The following HSD17B11 variants were observed in gnomAD, a reference collection of about 807,000 sequenced individuals.
HSD17B11 encodes estradiol 17-beta-dehydrogenase 11.
HSD17B11 carries 22 observed loss-of-function variants against 27.8 expected under a neutral mutation model. The observed-to-expected ratio is 0.79, with a 90% CI of 0.56 to 1.13. The LOEUF is 1.13. Among genes scored for constraint, HSD17B11 ranks in the 50% most tolerant of loss-of-function variants. The pLI is 0.00. For synonymous variants in HSD17B11, 117 were observed against 132.8 expected (o/e 0.88, Z 0.82); for missense variants, 314 against 351.1 (o/e 0.89, Z 0.84).
At chr4:87,386,234 GCT>G (rs1491446872) in intron 1 of HSD17B11, among the ~76,000 whole-genome samples, 1 of 148,268 alleles carries the variant, frequency 6.7e-6, no homozygotes. Flanking sequence ...ATGGAGTCTC[GCT>G]CTGTCACCCA....
chr4:87,389,942 G>T (rs865825611), intron 1 of HSD17B11, among the ~76,000 whole-genome samples: 1 of 151,978 alleles, frequency 6.6e-6, no homozygotes, highest in Admixed American at 6.6e-5. Context: ...AGTATCACAG[G>T]TCAAACGTGG....
intron 1 of HSD17B11, among the ~76,000 whole-genome samples, chr4:87,386,595 T>A: frequency 7.6e-6 from 1 of 131,232 alleles, no homozygotes; most frequent in South Asian, 2.2e-4. Flanking sequence ...AAGCAGATCT[T>A]CAAAAAAAAA....
At chr4:87,357,023 T>C (rs1393655115) in intron 5 of HSD17B11, among the ~76,000 whole-genome samples, 1 of 152,234 alleles carries the variant, frequency 6.6e-6, no homozygotes, top group East Asian at 1.9e-4. Context: ...CTGTGAATCA[T>C]TACTCAGGAG....
chr4:87,363,018 C>T (rs1176164487), intron 4 of HSD17B11, among the ~76,000 whole-genome samples: 3 of 152,124 alleles, frequency 2.0e-5, no homozygotes, highest in South Asian at 4.1e-4. Flanking sequence ...GATGATGGGG[C>T]CCAACTGGGG....
At position 87,357,283 on chromosome 4, in the gene HSD17B11, T is replaced by C; in HGVS notation, c.691A>G (p.Thr231Ala). The C allele has an allele frequency of 1.2e-6, 2 of 1,611,852 alleles. No individual in the cohort carries two copies. Among genetic ancestry groups the C allele is most frequent in the Non-Finnish European group, 1.7e-6 (2 of 1,179,324 alleles). Residue 231 changes from threonine to alanine, a missense_variant, in exon 5 of 7, where the codon ACA (threonine) becomes GCA (alanine). By Grantham distance (58) the Thr-to-Ala change is moderately conservative. Coordinates refer to ENST00000358290, the MANE Select transcript of HSD17B11 (RefSeq NM_016245.5). ...VNTGFIKNPS[T>A]SLGPTLEPEE... ...TGTCTCAATTTCTCAACTTACCTTG[T>C]ACTTGGATTTTTGATGAAGCCAGTG...
At chr4:87,386,261 G>A (rs1236021043) in intron 1 of HSD17B11, among the ~76,000 whole-genome samples, 1 of 151,076 alleles carries the variant, frequency 6.6e-6, no homozygotes. Flanking sequence ...GGAGTGCAAT[G>A]GTGCAATCTT....
At chr4:87,378,097 C>A (rs1735877578) in intron 2 of HSD17B11, among the ~76,000 whole-genome samples, 2 of 152,186 alleles carry the variant, frequency 1.3e-5, no homozygotes, top group Admixed American at 6.5e-5. Context: ...TCTACCAGTA[C>A]TCCTGTAGGG....
intron 6 of HSD17B11, among the ~76,000 whole-genome samples, chr4:87,339,095 A>G (rs1270476007): frequency 6.6e-6 from 1 of 152,150 alleles, no homozygotes; most frequent in East Asian, 1.9e-4. Context: ...TGTGTCAGTC[A>G]CTCTTCAAAA....
At chr4:87,366,791 T>G (rs1320701452) in intron 4 of HSD17B11, among the ~76,000 whole-genome samples, 1 of 152,182 alleles carries the variant, frequency 6.6e-6, no homozygotes, top group Non-Finnish European at 1.5e-5. Context: ...TAAATGCAGG[T>G]TGCTAATAAC....
At chr4:87,373,935 G>A (rs1338763994) in intron 3 of HSD17B11, among the ~76,000 whole-genome samples, 1 of 152,108 alleles carries the variant, frequency 6.6e-6, no homozygotes, top group Non-Finnish European at 1.5e-5. Context: ...AACACACACG[G>A]CATATGTACA....
chr4:87,356,100 A>G (rs1409014055), intron 5 of HSD17B11, among the ~76,000 whole-genome samples: 2 of 152,198 alleles, frequency 1.3e-5, no homozygotes, highest in Non-Finnish European at 2.9e-5. Flanking sequence ...GGCGGTGATT[A>G]AAAGAGTCAC....
intron 4 of HSD17B11, among the ~76,000 whole-genome samples, chr4:87,368,284 T>C (rs984501102): frequency 1.3e-5 from 2 of 152,046 alleles, no homozygotes; most frequent in African/African-American, 4.8e-5. Context: ...ACCACTGCAC[T>C]CCAGCCTGGG....
At chr4:87,339,935 T>C (rs975274012) in intron 6 of HSD17B11, among the ~76,000 whole-genome samples, 10 of 152,186 alleles carry the variant, frequency 6.6e-5, no homozygotes, top group East Asian at 1.9e-4. Flanking sequence ...GGAGAACTTA[T>C]TGAAATGCAA....
At chr4:87,384,053 G>T (rs1720240467) in intron 1 of HSD17B11, among the ~76,000 whole-genome samples, 1 of 152,136 alleles carries the variant, frequency 6.6e-6, no homozygotes, top group Non-Finnish European at 1.5e-5. Flanking sequence ...GGGAGAATTA[G>T]TAGCTTGCAT....
intron 4 of HSD17B11, among the ~76,000 whole-genome samples, chr4:87,372,052 C>A (rs532434932): frequency 6.6e-6 from 1 of 152,146 alleles, no homozygotes; most frequent in South Asian, 2.1e-4. Flanking sequence ...ACCATCCTGG[C>A]TAACACAGTG....
chr4:87,391,095 G>T lies in HSD17B11; in HGVS notation c.-25C>A. The T allele has an allele frequency of 1.3e-6, 2 of 1,516,766 alleles. No homozygotes were observed. Among genetic ancestry groups the T allele is most frequent in the Non-Finnish European group, 1.8e-6 (2 of 1,130,046 alleles). 94.0% of individuals were successfully genotyped at this position (1,516,766 alleles called of 1,614,324 possible). A position where few individuals can be genotyped will look rare whatever the true frequency, so the allele number is the denominator to read the frequency against. On this transcript the variant is annotated 5_prime_UTR_variant, in exon 1 of 7. Transcript: ENST00000358290. Reference sequence around the variant, plus strand: ...TCCCTTTTGTGGCTGCGAGCGTTTGGTGTGTTTTTTTTTTTTTTTACCACT... The same window carrying T: ...TCCCTTTTGTGGCTGCGAGCGTTTGTTGTGTTTTTTTTTTTTTTTACCACT...
At chr4:87,364,469 A>G (rs1735582578) in intron 4 of HSD17B11, among the ~76,000 whole-genome samples, 1 of 152,154 alleles carries the variant, frequency 6.6e-6, no homozygotes, top group African/African-American at 2.4e-5. Context: ...ACAACTAGGT[A>G]GGAAATGTAC....
At chr4:87,378,035 G>A (rs760832649) in intron 2 of HSD17B11, among the ~76,000 whole-genome samples, 17 of 152,118 alleles carry the variant, frequency 1.1e-4, no homozygotes, top group African/African-American at 3.6e-4. Flanking sequence ...TCTGTCTGAC[G>A]TCAGAGCCCA....
intron 5 of HSD17B11, among the ~76,000 whole-genome samples, chr4:87,346,085 C>T (rs1369884989): frequency 6.6e-6 from 1 of 152,130 alleles, no homozygotes; most frequent in Non-Finnish European, 1.5e-5. Context: ...AAAATAACTA[C>T]ATGCCATTAT....
Sources: allele counts gnomAD v4.1 joint callset (sites outside exome capture counted in the v4.1 genomes callset), GRCh38; gene constraint gnomAD v4.1.1; transcripts MANE v1.5; gene names NCBI Gene and HGNC (gene_info 2026-07-23, HGNC 2026-07-21).